BCAS1: variants seen among roughly 807,000 people sequenced by gnomAD.
The protein encoded by BCAS1 is brain enriched myelin associated protein 1.
In BCAS1, 46 loss-of-function variants were observed where a neutral mutation model predicts 65.4. That is an observed-to-expected ratio of 0.70 (90% CI 0.55 to 0.90). The LOEUF (loss-of-function observed/expected upper bound fraction) is 0.90. Ranked by LOEUF, BCAS1 falls within the 40% of genes least tolerant of loss-of-function variation. BCAS1 has a pLI of 0.00. For missense variants in BCAS1, 793 were observed against 771.2 expected, an observed-to-expected ratio of 1.03 and a Z score of -0.33; for synonymous variants, 298 against 293.5, an observed-to-expected ratio of 1.02 and a Z score of -0.16.
intron 4 of BCAS1, among the ~76,000 whole-genome samples, chr20:54,022,332 A>G (rs1369291816): frequency 6.6e-6 from 1 of 152,184 alleles, no homozygotes; most frequent in African/African-American, 2.4e-5. Context: ...TAAAAATGAT[A>G]TATTACCAAC....
chr20:53,980,731 G>A (rs1340001332), intron 8 of BCAS1, among the ~76,000 whole-genome samples: 1 of 152,168 alleles, frequency 6.6e-6, no homozygotes, highest in Admixed American at 6.5e-5. Context: ...AGCCAAGCCT[G>A]GATCTCACAT....
chr20:54,004,299 G>GCTGGC (rs1430497087), intron 4 of BCAS1, among the ~76,000 whole-genome samples: 1 of 152,190 alleles, frequency 6.6e-6, no homozygotes, highest in African/African-American at 2.4e-5. Context: ...ACCCAACCAT[G>GCTGGC]CTGGCATCTT....
chr20:53,995,824 A>G (rs976603746), intron 5 of BCAS1, 68 bp downstream of exon 5: 2 of 1,458,330 alleles, frequency 1.4e-6, no homozygotes, highest in South Asian at 1.4e-5. Flanking sequence ...TCAAATGTGC[A>G]TTATTCTTAG....
At position 53,989,201 on chromosome 20, in the gene BCAS1, T is replaced by A. The variant is rs2145802299; in HGVS notation, c.1062+3311A>T. Among the ~76,000 whole-genome samples, 3 of 152,274 alleles carry A rather than the reference T, an allele frequency of 2.0e-5. 1 individual carries two copies. The Middle Eastern group carries it at 0.01, about 518-fold the overall frequency. On this transcript the variant is annotated intron_variant, in intron 7 of 12. Transcript: ENST00000688948. The stretch of plus-strand genomic sequence containing the variant: ...AAAGTATCATGGTGAGGGCTGATAC[T>A]GAGATAAAGATTGGGAAACACATCT...
At chr20:53,955,641 A>T (rs1170660566) in intron 11 of BCAS1, among the ~76,000 whole-genome samples, 2 of 152,188 alleles carry the variant, frequency 1.3e-5, no homozygotes, top group Non-Finnish European at 2.9e-5. Context: ...CCTCATCTCT[A>T]TGGGAGCAAT....
At position 54,028,885 on chromosome 20, in the gene BCAS1, C is replaced by G. The variant is rs752945050; in HGVS notation, c.230G>C (p.Gly77Ala). ...TEISAVADAN[G>A]KNLGKEAKPE... ...TTTGGCCTCTTTCCCAAGATTCTTT[C>G]CGTTGGCATCCGCAACAGCACTTAT... The change falls in exon 4 of 13, where the codon GGA (glycine) becomes GCA (alanine). Residue 77 changes from glycine to alanine, a missense_variant. By Grantham distance (60) the Gly-to-Ala change is moderately conservative. Transcript: ENST00000688948. 2.5e-6 allele frequency: 4 copies of G among 1,614,024 alleles called. No individual in the cohort carries two copies. Among genetic ancestry groups the G allele is most frequent in the Non-Finnish European group, 3.4e-6 (4 of 1,180,020 alleles).
chr20:54,061,717 A>G (rs2092378948), intron 1 of BCAS1, among the ~76,000 whole-genome samples: 1 of 152,220 alleles, frequency 6.6e-6, no homozygotes, highest in Non-Finnish European at 1.5e-5. Flanking sequence ...ATCATACCAC[A>G]TAATAAAGCT....
At chr20:54,043,669 C>A (rs1326309014) in intron 3 of BCAS1, among the ~76,000 whole-genome samples, 1 of 152,084 alleles carries the variant, frequency 6.6e-6, no homozygotes, top group Non-Finnish European at 1.5e-5. Context: ...TGCAAGAATA[C>A]CCGGGAGGGG....
intron 8 of BCAS1, among the ~76,000 whole-genome samples, chr20:53,977,350 C>A (rs1600760643): frequency 6.6e-6 from 1 of 152,312 alleles, no homozygotes; most frequent in East Asian, 1.9e-4. Flanking sequence ...CTGGTTAATA[C>A]CATGAACACG....
chr20:53,966,386 C>G (rs976312609), intron 10 of BCAS1, among the ~76,000 whole-genome samples: 6 of 152,104 alleles, frequency 3.9e-5, no homozygotes, highest in Non-Finnish European at 8.8e-5. Context: ...AATGGAAAAC[C>G]AAATACTGTA....
chr20:54,026,714 C>T (rs1265919866), intron 4 of BCAS1, among the ~76,000 whole-genome samples: 2 of 152,224 alleles, frequency 1.3e-5, no homozygotes, highest in Non-Finnish European at 2.9e-5. Context: ...AAGTAGTAAA[C>T]AGTTTCTCCC....
chr20:54,051,243 T>A (rs1342730241), intron 3 of BCAS1, among the ~76,000 whole-genome samples: 1 of 152,228 alleles, frequency 6.6e-6, no homozygotes, highest in Non-Finnish European at 1.5e-5. Flanking sequence ...CTGCCTGATC[T>A]CTGAGCCATG....
At chr20:54,035,343 C>T (rs6127066) in intron 3 of BCAS1, among the ~76,000 whole-genome samples, 28,098 of 142,836 alleles carry the variant, frequency 0.2, 3,328 homozygotes, top group East Asian at 0.32. Context: ...AGAGCTTGCA[C>T]TGAGCCGAGA....
intron 9 of BCAS1, 113 bp downstream of exon 9, chr20:53,975,276 G>GA (rs1356562349): frequency 1.0e-5 from 9 of 867,560 alleles, no homozygotes; most frequent in Non-Finnish European, 1.7e-5. Context: ...TACAACAAAC[G>GA]AATCACACTG....
intron 4 of BCAS1, among the ~76,000 whole-genome samples, chr20:54,014,757 C>A (rs776936088): frequency 6.6e-6 from 1 of 152,204 alleles, no homozygotes; most frequent in Non-Finnish European, 1.5e-5. Flanking sequence ...GAAGGCTCTG[C>A]TTCCTCTCCC....
intron 3 of BCAS1, 147 bp downstream of exon 3, chr20:54,057,938 T>C (rs2092319952): frequency 4.6e-6 from 3 of 654,918 alleles, no homozygotes; most frequent in Non-Finnish European, 5.3e-6. Flanking sequence ...CACCAGGGCA[T>C]GGTAGCCCAA....
In BCAS1 at chr20:53,995,908, C is replaced by T; in HGVS notation, c.866G>A (p.Ser289Asn). The T allele has an allele frequency of 1.2e-6, 2 of 1,606,312 alleles. No individual in the cohort carries two copies. The highest frequency in any genetic ancestry group is 1.7e-6 in the Non-Finnish European group (2 of 1,176,438). Residue 289 changes from serine to asparagine, a missense_variant, in exon 5 of 13, where the codon AGT becomes AAT. Transcript: ENST00000688948. ...ACTGCTTACCAGAGTTTTAAAGAAA[C>T]TCATGATGGAATTATTATTCTCTGC... is the stretch of plus-strand genomic sequence containing the variant. ...AIAENNNSIM[S>N]FFKTLVSPNK...
chr20:53,983,428 C>A (rs73275891), intron 8 of BCAS1, among the ~76,000 whole-genome samples: 2 of 152,148 alleles, frequency 1.3e-5, no homozygotes, highest in African/African-American at 4.8e-5. Flanking sequence ...AGTGAGGAAA[C>A]GAAAGCTCAT....
At chr20:54,045,220 A>AC (rs2092080380) in intron 3 of BCAS1, among the ~76,000 whole-genome samples, 1 of 150,354 alleles carries the variant, frequency 6.7e-6, no homozygotes, top group African/African-American at 2.5e-5. Context: ...CAAAAAAAAA[A>AC]AAAAAACAAA....
Sources: allele counts gnomAD v4.1 joint callset (sites outside exome capture counted in the v4.1 genomes callset), GRCh38; gene constraint gnomAD v4.1.1; transcripts MANE v1.5; gene names NCBI Gene and HGNC (gene_info 2026-07-23, HGNC 2026-07-21).